CYP7B1: variants seen among roughly 807,000 people sequenced by gnomAD.
CYP7B1 encodes the protein cytochrome P450 7B1.
Under a neutral mutation model 42.7 loss-of-function variants are expected in CYP7B1, and 29 were observed. That is an observed-to-expected ratio of 0.68 (90% CI 0.51 to 0.93). The LOEUF is 0.93. Ranked by LOEUF, CYP7B1 falls within the 40% of genes least tolerant of loss-of-function variation. CYP7B1 has a pLI of 0.00. For missense variants in CYP7B1, 655 were observed against 600.5 expected (o/e 1.09, Z -0.95); for synonymous variants, 235 against 218.2 (o/e 1.08, Z -0.68).
chr8:64,738,653 G>T (rs976648891), intron 1 of CYP7B1, among the ~76,000 whole-genome samples: 1 of 152,110 alleles, frequency 6.6e-6, no homozygotes, highest in Non-Finnish European at 1.5e-5. Context: ...GAGCTGGGAA[G>T]TCATCACTTA....
intron 1 of CYP7B1, among the ~76,000 whole-genome samples, chr8:64,653,007 G>C (rs780171514): frequency 9.9e-5 from 15 of 152,214 alleles, no homozygotes; most frequent in Non-Finnish European, 1.9e-4. Context: ...GTGGTGTTAA[G>C]AGAGAAATTC....
intron 1 of CYP7B1, among the ~76,000 whole-genome samples, chr8:64,634,936 G>A (rs1359532559): frequency 6.6e-6 from 1 of 152,132 alleles, no homozygotes; most frequent in Admixed American, 6.6e-5. Context: ...AGGCAGAATC[G>A]GTTCCTTTGA....
chr8:64,719,774 AC>A (rs1807210918), intron 1 of CYP7B1, among the ~76,000 whole-genome samples: 1 of 152,100 alleles, frequency 6.6e-6, no homozygotes, highest in South Asian at 2.1e-4. Context: ...TAAAATGAAA[AC>A]TCATTAAAAT....
At chr8:64,600,292 G>A (rs1805182380) in intron 5 of CYP7B1, among the ~76,000 whole-genome samples, 2 of 152,146 alleles carry the variant, frequency 1.3e-5, no homozygotes, top group South Asian at 4.1e-4. Context: ...CCTAATTTGT[G>A]TTCTCCAAAT....
At chr8:64,793,454 A>G (rs1585918322) in intron 1 of CYP7B1, among the ~76,000 whole-genome samples, 1 of 152,134 alleles carries the variant, frequency 6.6e-6, no homozygotes. Context: ...GTCTTTTGCA[A>G]TGTAGATTAT....
chr8:64,604,770 G>A lies in CYP7B1; in HGVS notation c.1145C>T (p.Thr382Ile). 1.2e-6 allele frequency: 2 copies of A among 1,614,140 alleles called. No individual in the cohort carries two copies. Among genetic ancestry groups the A allele is most frequent in the Non-Finnish European group, 1.7e-6 (2 of 1,180,026 alleles). Reference protein sequence around the residue: ...VEEDLTLSSETGDYCVRKGDL... With the variant: ...VEEDLTLSSEIGDYCVRKGDL... The stretch of plus-strand genomic sequence containing the variant: ...TCCCTTTCGCACACAGTAGTCCCCG[G>A]TCTCTGAACTGAGAGTCAAATCCTC... The change falls in exon 5 of 6, where the codon ACC becomes ATC. Residue 382 changes from threonine (T) to isoleucine (I), a missense_variant. Thr to Ile is a moderately conservative substitution (Grantham distance 89). Transcript: ENST00000310193.
intron 1 of CYP7B1, among the ~76,000 whole-genome samples, chr8:64,771,827 T>A (rs192397758): frequency 2.6e-5 from 4 of 152,366 alleles, no homozygotes; most frequent in Admixed American, 2.6e-4. Context: ...CTCCATACTT[T>A]GCCCATGCAG....
chr8:64,599,577 CAA>C (rs1220809779), intron 5 of CYP7B1, among the ~76,000 whole-genome samples: 1 of 152,162 alleles, frequency 6.6e-6, no homozygotes, highest in African/African-American at 2.4e-5. Flanking sequence ...AGAAAAATCA[CAA>C]GAGAAGGTAT....
intron 1 of CYP7B1, among the ~76,000 whole-genome samples, chr8:64,771,115 C>CAG (rs1804218002): frequency 8.6e-6 from 1 of 116,714 alleles, no homozygotes; most frequent in African/African-American, 3.2e-5. Context: ...GGCTGGAGTG[C>CAG]AGTGGCACAA....
Position 64,591,893 on chromosome 8 carries a change from A to C in CYP7B1, c.*4749T>G, listed in dbSNP as rs1805040451. Among the ~76,000 whole-genome samples, 1 of 152,142 alleles carries C rather than the reference A, an allele frequency of 6.6e-6. No individual in the cohort carries two copies. The highest frequency in any genetic ancestry group is 2.4e-5 in the African/African-American group (1 of 41,420). On this transcript the variant is annotated 3_prime_UTR_variant, in exon 6 of 6. Transcript: ENST00000310193. Reference sequence around the variant, plus strand: ...TTCAAAACTTAGGTGAAGCTATAAAAATGAAAAGATGGGGGCGGGCACGGT... The same window carrying C: ...TTCAAAACTTAGGTGAAGCTATAAACATGAAAAGATGGGGGCGGGCACGGT...
chr8:64,615,654 T>A, intron 3 of CYP7B1, 37 bp downstream of exon 3: 1 of 1,592,842 alleles, frequency 6.3e-7, no homozygotes, highest in Non-Finnish European at 8.6e-7. Context: ...TTGTAAATGA[T>A]TTTATTTTAG....
At chr8:64,606,849 T>G (rs900487922) in intron 4 of CYP7B1, among the ~76,000 whole-genome samples, 1 of 152,178 alleles carries the variant, frequency 6.6e-6, no homozygotes, top group Non-Finnish European at 1.5e-5. Flanking sequence ...CTTACGTGGC[T>G]CTGCAGAATA....
At chr8:64,661,596 T>C (rs1216690435) in intron 1 of CYP7B1, among the ~76,000 whole-genome samples, 1 of 152,244 alleles carries the variant, frequency 6.6e-6, no homozygotes, top group Non-Finnish European at 1.5e-5. Context: ...ATAATCCTTT[T>C]AATATATTTA....
intron 5 of CYP7B1, among the ~76,000 whole-genome samples, chr8:64,602,871 G>C (rs1289295435): frequency 6.6e-6 from 1 of 152,174 alleles, no homozygotes; most frequent in Non-Finnish European, 1.5e-5. Context: ...TAGTCACTCA[G>C]AAAATGTTTA....
At chr8:64,717,790 T>G (rs182747262) in intron 1 of CYP7B1, among the ~76,000 whole-genome samples, 2 of 151,530 alleles carry the variant, frequency 1.3e-5, no homozygotes, top group African/African-American at 4.8e-5. Context: ...GAGGGTACGA[T>G]AAGGTGAGAT....
intron 1 of CYP7B1, among the ~76,000 whole-genome samples, chr8:64,692,215 G>A (rs967536863): frequency 2.0e-5 from 3 of 152,156 alleles, no homozygotes; most frequent in Non-Finnish European, 2.9e-5. Context: ...TGTCAATAAG[G>A]GGATACCCTG....
intron 1 of CYP7B1, among the ~76,000 whole-genome samples, chr8:64,756,470 T>C (rs765702344): frequency 3.9e-5 from 6 of 152,212 alleles, no homozygotes; most frequent in Non-Finnish European, 7.3e-5. Context: ...AAGCGGAATT[T>C]CTAGGTGCCA....
chr8:64,794,296 C>T (rs146943707), intron 1 of CYP7B1, among the ~76,000 whole-genome samples: 2 of 152,288 alleles, frequency 1.3e-5, no homozygotes, highest in South Asian at 2.1e-4. Context: ...AAAAGCCCAG[C>T]GGAAGGGATC....
chr8:64,698,615 A>T (rs1019208384), intron 1 of CYP7B1, among the ~76,000 whole-genome samples: 32 of 152,190 alleles, frequency 2.1e-4, no homozygotes, highest in Admixed American at 1.5e-3. Context: ...ATGCGAGATG[A>T]TATTTACAGT....
Sources: gnomAD v4.1 joint callset for allele counts (sites outside exome capture counted in the v4.1 genomes callset) on GRCh38, gnomAD v4.1.1 for gene constraint, MANE v1.5 for transcripts, NCBI Gene and HGNC (gene_info 2026-07-23, HGNC 2026-07-21) for gene names.